The following DNAJB1 variants were observed in gnomAD, a reference collection of about 807,000 sequenced individuals.
DNAJB1 encodes DnaJ heat shock protein family (Hsp40) member B1.
In DNAJB1, 14 loss-of-function variants were observed where a neutral mutation model predicts 24.0. That is an observed-to-expected ratio of 0.58 (90% CI 0.39 to 0.91). DNAJB1 has a LOEUF of 0.91. Among genes scored for constraint, DNAJB1 ranks in the 40% least tolerant of loss-of-function variants. DNAJB1 has a pLI of 0.00. For synonymous variants in DNAJB1, 262 were observed against 174.4 expected, an observed-to-expected ratio of 1.50 and a Z score of -3.96; for missense variants, 517 against 458.1, an observed-to-expected ratio of 1.13 and a Z score of -1.17.
Position 14,515,958 on chromosome 19 carries a change from C to G in DNAJB1, c.1005G>C (p.Glu335Asp). The part of the protein sequence containing the change: ...RIPQTSRTVL[E>D]QVLPI ...CAGATAGCTATATTGGAAGAACCTGCTCAAGTACGGTTCTTGATGTCTGGG... is the reference window on the plus strand; with the variant it reads ...CAGATAGCTATATTGGAAGAACCTGGTCAAGTACGGTTCTTGATGTCTGGG... Residue 335 changes from glutamate (E) to aspartate (D), a missense_variant, in exon 3 of 3, where the codon GAG becomes GAC. Glu to Asp is a conservative substitution (Grantham distance 45, BLOSUM62 2). Transcript: ENST00000254322. 1 of 1,609,658 alleles carries G rather than the reference C, an allele frequency of 6.2e-7. No homozygotes were observed.
At chr19:14,552,866 C>T (rs1299568093), upstream of DNAJB1, among the ~76,000 whole-genome samples, 1 of 152,008 alleles carries the variant, frequency 6.6e-6, no homozygotes, top group Non-Finnish European at 1.5e-5. Flanking sequence ...CTGGGTGAGG[C>T]CTGGGTGGCA....
chr19:14,555,939 C>T (rs1047913235), intron 1 of DNAJB1, among the ~76,000 whole-genome samples: 2 of 152,164 alleles, frequency 1.3e-5, no homozygotes, highest in African/African-American at 2.4e-5. Context: ...GCCCTCACTC[C>T]TCCAGTCTGT....
intron 2 of DNAJB1, among the ~76,000 whole-genome samples, chr19:14,526,229 C>G (rs2072422837): frequency 6.6e-6 from 1 of 152,192 alleles, no homozygotes; most frequent in Non-Finnish European, 1.5e-5. Flanking sequence ...ACCATCAGCT[C>G]AACAACGACC....
upstream of DNAJB1, among the ~76,000 whole-genome samples, chr19:14,551,863 T>TATTTCTTC (rs2146603374): frequency 6.6e-6 from 1 of 151,986 alleles, no homozygotes; most frequent in South Asian, 2.1e-4. Flanking sequence ...CTTATTTCTT[T>TATTTCTTC]ATTTCTTCCT....
At chr19:14,538,580 T>A (rs1206834937) in intron 1 of DNAJB1, among the ~76,000 whole-genome samples, 1 of 151,076 alleles carries the variant, frequency 6.6e-6, no homozygotes, top group Non-Finnish European at 1.5e-5. Context: ...GTCACCAGGC[T>A]GGAGTGCAGT....
rs202229619 is a variant in DNAJB1, at chr19:14,518,352, C to G, written c.-3G>C. 2 of 1,556,404 alleles carry G rather than the reference C, an allele frequency of 1.3e-6. No individual in the cohort carries two copies. The highest frequency in any genetic ancestry group is 1.4e-5 in the African/African-American group (1 of 72,598). On this transcript the variant is annotated 5_prime_UTR_variant, in exon 1 of 3. Coordinates refer to ENST00000254322, the MANE Select transcript of DNAJB1 (RefSeq NM_006145.3). Reference sequence around the variant, plus strand: ...GTCTGGTAGTAGTCTTTACCCATGACCCCCTCCTGCGGCCCGCCGACCCGC... The same window carrying G: ...GTCTGGTAGTAGTCTTTACCCATGAGCCCCTCCTGCGGCCCGCCGACCCGC...
At chr19:14,545,514 G>A (rs2073275935) in intron 1 of DNAJB1, among the ~76,000 whole-genome samples, 2 of 152,158 alleles carry the variant, frequency 1.3e-5, no homozygotes, top group Admixed American at 1.3e-4. Flanking sequence ...TAGGGGGTGG[G>A]GGGGATAGCC....
At chr19:14,550,093 A>G (rs1186845496) in intron 1 of DNAJB1, among the ~76,000 whole-genome samples, 1 of 152,050 alleles carries the variant, frequency 6.6e-6, no homozygotes, top group Non-Finnish European at 1.5e-5. Flanking sequence ...TTTCTTTGCC[A>G]AGATGTGAGT....
chr19:14,549,774 C>A (rs1392483920), intron 1 of DNAJB1, among the ~76,000 whole-genome samples: 1 of 151,930 alleles, frequency 6.6e-6, no homozygotes, highest in Admixed American at 6.6e-5. Flanking sequence ...GAAACCCCAT[C>A]TCTACTAAAA....
intron 1 of DNAJB1, among the ~76,000 whole-genome samples, chr19:14,541,262 C>T (rs2073089005): frequency 6.6e-6 from 1 of 152,168 alleles, no homozygotes; most frequent in South Asian, 2.1e-4. Context: ...TAGGTGTATG[C>T]CACCGTGCCT....
At chr19:14,528,745 G>C (rs1175571094) in intron 1 of DNAJB1, among the ~76,000 whole-genome samples, 4 of 151,706 alleles carry the variant, frequency 2.6e-5, no homozygotes, top group Admixed American at 2.6e-4. Context: ...TTCAAGACCA[G>C]CCTGGCCAAC....
chr19:14,551,217 C>G (rs1371750584), upstream of DNAJB1, among the ~76,000 whole-genome samples: 1 of 151,844 alleles, frequency 6.6e-6, no homozygotes, highest in Non-Finnish European at 1.5e-5. Context: ...GGATTACAGG[C>G]ACCCACCACC....
upstream of DNAJB1, among the ~76,000 whole-genome samples, chr19:14,553,836 C>T (rs936325283): frequency 2.6e-5 from 4 of 152,134 alleles, no homozygotes; most frequent in Non-Finnish European, 4.4e-5. Flanking sequence ...GTGCCCGGCG[C>T]GGGGATGGTG....
chr19:14,534,423 C>CTTTTT (rs756051119), upstream of DNAJB1, among the ~76,000 whole-genome samples: 31 of 52,488 alleles, frequency 5.9e-4, 7 homozygotes, highest in African/African-American at 2.0e-3. Flanking sequence ...CATGCCTGGC[C>CTTTTT]TTTTTTTTTT....
chr19:14,516,655 G>C lies in DNAJB1; in HGVS notation c.603C>G (p.Asp201Glu). The C allele has an allele frequency of 6.2e-7, 1 of 1,614,152 alleles. No homozygotes were observed. Among genetic ancestry groups the C allele is most frequent in the Non-Finnish European group, 8.5e-7 (1 of 1,180,024 alleles). The part of the protein sequence containing the change: ...NPDGKSIRNE[D>E]KILTIEVKKG... ...TCTTCACTTCGATGGTCAATATTTT[G>C]TCTTCGTTTCGAATGCTCTTTCCGT... is the stretch of plus-strand genomic sequence containing the variant. Residue 201 changes from aspartate to glutamate, a missense_variant, in exon 2 of 3, where the codon GAC becomes GAG. Physicochemically the swap from Asp to Glu is conservative, Grantham distance 45. Coordinates refer to ENST00000254322, the MANE Select transcript of DNAJB1 (RefSeq NM_006145.3).
chr19:14,523,872 C>A lies in DNAJB1; in HGVS notation c.-90+3854G>T, dbSNP rs1304169253. Among the ~76,000 whole-genome samples, 3 of 152,192 alleles carry A rather than the reference C, an allele frequency of 2.0e-5. 1 individual carries two copies. The highest frequency in any genetic ancestry group is 7.2e-5 in the African/African-American group (3 of 41,448). ...CACCTGAGCTCAGGTGATCCGCCGG[C>A]CTTGGCCTCCCCAAGTGTTGGGATT... is the stretch of plus-strand genomic sequence containing the variant. On this transcript the variant is annotated intron_variant, in intron 2 of 3. Coordinates refer to the DNAJB1 transcript ENST00000396969.
At chr19:14,555,438 CTTTTT>C (rs747503834) in intron 1 of DNAJB1, among the ~76,000 whole-genome samples, 9 of 92,900 alleles carry the variant, frequency 9.7e-5, no homozygotes, top group African/African-American at 2.7e-4. Context: ...TTTATTTATT[CTTTTT>C]TTTTTTTTTT....
chr19:14,546,746 G>A (rs182993461), intron 1 of DNAJB1, among the ~76,000 whole-genome samples: 2 of 151,836 alleles, frequency 1.3e-5, no homozygotes, highest in African/African-American at 4.8e-5. Flanking sequence ...GTGCCGTGTC[G>A]CGATCTTGGC....
At chr19:14,521,853 CT>C (rs777648211), upstream of DNAJB1, among the ~76,000 whole-genome samples, 3 of 152,184 alleles carry the variant, frequency 2.0e-5, no homozygotes, top group South Asian at 6.2e-4. Context: ...AACTCCTGAC[CT>C]CAGGTGATCA....
Sources: gnomAD v4.1 joint callset for allele counts (sites outside exome capture counted in the v4.1 genomes callset) on GRCh38, gnomAD v4.1.1 for gene constraint, MANE v1.5 for transcripts, NCBI Gene and HGNC (gene_info 2026-07-23, HGNC 2026-07-21) for gene names.